Variants in SUV39H2 observed in about 807,000 individuals in gnomAD.
SUV39H2 encodes the protein histone-lysine N-methyltransferase SUV39H2.
Under a neutral mutation model 47.5 loss-of-function variants are expected in SUV39H2, and 10 were observed. That is an observed-to-expected ratio of 0.21 (90% confidence interval 0.13 to 0.36). The LOEUF is 0.36. SUV39H2 is among the 10% of genes least tolerant of loss of function. SUV39H2 has a pLI of 1.00. For synonymous variants in SUV39H2, 159 were observed against 166.8 expected, an observed-to-expected ratio of 0.95 and a Z score of 0.36; for missense variants, 266 against 487.4, an observed-to-expected ratio of 0.55 and a Z score of 4.28.
At chr10:14,892,886 C>A (rs1448577313) in intron 2 of SUV39H2, among the ~76,000 whole-genome samples, 7 of 150,266 alleles carry the variant, frequency 4.7e-5, no homozygotes, top group Admixed American at 4.0e-4. Flanking sequence ...GTGGCTTGAT[C>A]TCAGCTCACT....
chr10:14,878,870 T>G lies in SUV39H2; in HGVS notation c.-19T>G. 1.3e-6 allele frequency: 2 copies of G among 1,487,142 alleles called. No homozygotes were observed. The highest frequency in any genetic ancestry group is 1.8e-6 in the Non-Finnish European group (2 of 1,118,102). 92.1% of individuals were successfully genotyped at this position (1,487,142 alleles called of 1,614,324 possible). A position where few individuals can be genotyped will look rare whatever the true frequency, so the allele number is the denominator to read the frequency against. On this transcript the variant is annotated 5_prime_UTR_variant, in exon 1 of 6. Transcript: ENST00000354919. ...GCTATCCCGTCAGACCGCGCCAGTT[T>G]GAATGAAAGCTCTACAAGATGGCGG...
In SUV39H2 at chr10:14,903,289, A is replaced by G. The variant is rs1274217969; in HGVS notation, c.*777A>G. 6.6e-6 allele frequency: 1 copy of G among 152,216 alleles called. No homozygotes were observed. Among genetic ancestry groups the G allele is most frequent in the African/African-American group, 2.4e-5 (1 of 41,458 alleles). The allele number at this position is 152,216 out of a possible 1,614,324, so 9.4% of individuals were successfully genotyped here. The stretch of plus-strand genomic sequence containing the variant: ...ACCAGGATGGTTTTTTGGAGTACCA[A>G]GCAAGGGGAATGGAGCACTTTAAGG... On this transcript the variant is annotated 3_prime_UTR_variant, in exon 6 of 6. Coordinates refer to ENST00000354919, the MANE Select transcript of SUV39H2 (RefSeq NM_001193424.2).
chr10:14,895,281 A>G (rs1588846335), intron 2 of SUV39H2, among the ~76,000 whole-genome samples: 1 of 151,034 alleles, frequency 6.6e-6, no homozygotes, highest in East Asian at 2.0e-4. Context: ...GGTTCAGGCG[A>G]TTCTCCTGCC....
chr10:14,895,873 CT>C (rs201871885), intron 2 of SUV39H2, among the ~76,000 whole-genome samples: 71 of 145,292 alleles, frequency 4.9e-4, no homozygotes, highest in Non-Finnish European at 8.9e-4. Context: ...ACTTAGTGTT[CT>C]TTTTTTTGTA....
rs1390377463 is a variant in SUV39H2 at position 14,901,965 on chromosome 10, A to G, written c.1127-441A>G. Among the ~76,000 whole-genome samples, 16 of 152,198 alleles carry G rather than the reference A, an allele frequency of 1.1e-4. No homozygotes were observed. The East Asian group carries it at 1.3e-3, about 13-fold the overall frequency. ...GCTTTTAAAAAGAACATTTAATTCT[A>G]TTTGCTTTATTGTGACAATATAAAT... On this transcript the variant is annotated intron_variant, in intron 5 of 5. Transcript: ENST00000354919.
intron 2 of SUV39H2, among the ~76,000 whole-genome samples, chr10:14,888,585 G>A (rs949815465): frequency 2.0e-5 from 3 of 151,788 alleles, no homozygotes; most frequent in Admixed American, 1.3e-4. Context: ...GCAGTGAGCC[G>A]AGTTTGCACT....
Position 14,897,300 on chromosome 10 carries a change from C to T in SUV39H2, c.632C>T (p.Ala211Val). The T allele has an allele frequency of 1.9e-6, 3 of 1,613,438 alleles. No homozygotes were observed. The highest frequency in any genetic ancestry group is 2.5e-6 in the Non-Finnish European group (3 of 1,179,908). The change falls in exon 3 of 6, where the codon GCT becomes GTT. Residue 211 changes from alanine to valine, a missense_variant. This residue lies in a region of SUV39H2 where 112 missense variants were observed against 271.9 expected (regional missense o/e 0.41). Transcript: ENST00000354919. The stretch of plus-strand genomic sequence containing the variant: ...CCTGCTGAAGCTGGAGTTCTTTTGG[C>T]TTATAATAAAAACCAACAAATTAAA... ...CCPAEAGVLL[A>V]YNKNQQIKIP... is the part of the protein sequence containing the mutation.
rs544036672 is a variant in SUV39H2 at position 14,888,812 on chromosome 10, A to T, written c.177+7167A>T. Among the ~76,000 whole-genome samples, 5 of 151,452 alleles carry T rather than the reference A, an allele frequency of 3.3e-5. No homozygotes were observed. In the South Asian group the frequency reaches 6.3e-4, roughly 19 times the overall value. On this transcript the variant is annotated intron_variant, in intron 2 of 5. Transcript: ENST00000354919. The stretch of plus-strand genomic sequence containing the variant: ...GAGAAGAGCCAAAGGAATGAATTAA[A>T]GAATGAACCAGGCCGGGTGCAGTGG...
At chr10:14,888,732 A>G (rs10906776) in intron 2 of SUV39H2, among the ~76,000 whole-genome samples, 13,804 of 152,106 alleles carry the variant, frequency 0.091, 1,260 homozygotes, top group East Asian at 0.27. Context: ...AGAGAACTGG[A>G]AAGAATCCAC....
intron 2 of SUV39H2, among the ~76,000 whole-genome samples, chr10:14,890,399 G>T (rs114664461): frequency 6.6e-6 from 1 of 152,108 alleles, no homozygotes; most frequent in African/African-American, 2.4e-5. Context: ...TCAAATTCCA[G>T]TTATTTATTT....
In SUV39H2 at chr10:14,903,378, A is replaced by G. The variant is rs1010769212; in HGVS notation, c.*866A>G. The G allele has an allele frequency of 2.0e-5, 3 of 152,222 alleles. No homozygotes were observed. Among genetic ancestry groups the G allele is most frequent in the Admixed American group, 1.3e-4 (2 of 15,286 alleles). 9.4% of individuals were successfully genotyped at this position (152,222 alleles called of 1,614,324 possible). On this transcript the variant is annotated 3_prime_UTR_variant, in exon 6 of 6. Coordinates refer to ENST00000354919, the MANE Select transcript of SUV39H2 (RefSeq NM_001193424.2). ...TACCTCTGATCTAAACGGTAAAACAAGCTGCCTGGAGAGCAGCTGTACCTA... is the reference window on the plus strand; with the variant it reads ...TACCTCTGATCTAAACGGTAAAACAGGCTGCCTGGAGAGCAGCTGTACCTA...
intron 2 of SUV39H2, among the ~76,000 whole-genome samples, chr10:14,891,486 TAAAG>T (rs1210094516): frequency 6.6e-6 from 1 of 152,150 alleles, no homozygotes; most frequent in African/African-American, 2.4e-5. Context: ...AACTCCATAG[TAAAG>T]AAGGATAGAG....
At chr10:14,885,399 A>G (rs1833175072) in intron 2 of SUV39H2, among the ~76,000 whole-genome samples, 1 of 152,186 alleles carries the variant, frequency 6.6e-6, no homozygotes, top group Non-Finnish European at 1.5e-5. Flanking sequence ...CTCTAAATCT[A>G]ATGGGTTATC....
chr10:14,897,555 C>G (rs369820729), intron 3 of SUV39H2, 38 bp downstream of exon 3: 2 of 1,467,198 alleles, frequency 1.4e-6, no homozygotes, highest in Non-Finnish European at 1.8e-6. Flanking sequence ...GATGGACATG[C>G]AAGGTTTATA....
Position 14,899,697 on chromosome 10 carries a change from T to TA in SUV39H2, c.996+13dup, listed in dbSNP as rs35032339. 2.5e-6 allele frequency: 4 copies of TA among 1,612,680 alleles called. No homozygotes were observed. The highest frequency in any genetic ancestry group is 3.4e-6 in the Non-Finnish European group (4 of 1,179,398). The stretch of plus-strand genomic sequence containing the variant: ...TTGTGAATCACAGCGTAAGAAGACA[T>TA]ACGTAAATTTTAGACACGACTAACA... On this transcript the variant is annotated intron_variant, in intron 4 of 5. Transcript: ENST00000354919.
At chr10:14,899,879 C>T (rs989023347) in intron 4 of SUV39H2, among the ~76,000 whole-genome samples, 194 bp downstream of exon 4, 2 of 152,124 alleles carry the variant, frequency 1.3e-5, no homozygotes. Context: ...GAGGTGCCTA[C>T]CAAATATTAA....
Position 14,881,856 on chromosome 10 carries a change from G to A in SUV39H2, c.177+211G>A, listed in dbSNP as rs1442123369. ...TGTTCTTGCATTAGAATATTTTCAGGTGCTCATATCCCTCTACATCCAACT... is the reference window on the plus strand; with the variant it reads ...TGTTCTTGCATTAGAATATTTTCAGATGCTCATATCCCTCTACATCCAACT... On this transcript the variant is annotated intron_variant, in intron 2 of 5. Transcript: ENST00000354919. Among the ~76,000 whole-genome samples, 3 of 152,182 alleles carry A rather than the reference G, an allele frequency of 2.0e-5. No homozygotes were observed. In the East Asian group the frequency reaches 5.8e-4, roughly 29 times the overall value.
intron 4 of SUV39H2, 149 bp from the exon 5 acceptor site, chr10:14,900,984 T>C: frequency 9.5e-6 from 9 of 947,474 alleles, no homozygotes; most frequent in Non-Finnish European, 1.4e-5. Context: ...TTTTTAAATG[T>C]GCATGCCTCA....
chr10:14,898,106 A>AG (rs1220845086), intron 3 of SUV39H2: 2 of 150,670 alleles, frequency 1.3e-5, no homozygotes, highest in Non-Finnish European at 3.0e-5. Flanking sequence ...ATATATATAA[A>AG]TGTAAAAAGT....
Sources: allele counts gnomAD v4.1 joint callset (sites outside exome capture counted in the v4.1 genomes callset), GRCh38; gene constraint gnomAD v4.1.1; regional missense constraint gnomAD v4.1.1; transcripts MANE v1.5; gene names NCBI Gene and HGNC (gene_info 2026-07-23, HGNC 2026-07-21).